PTPN13: variants seen among roughly 807,000 people sequenced by gnomAD.
PTPN13 encodes protein tyrosine phosphatase non-receptor type 13, also known as tyrosine-protein phosphatase non-receptor type 13.
In PTPN13, 191 loss-of-function variants were observed where a neutral mutation model predicts 284.0. That is an observed-to-expected ratio of 0.67 (90% CI 0.60 to 0.76). PTPN13 has a LOEUF of 0.76. Ranked by LOEUF, PTPN13 falls within the 30% of genes least tolerant of loss-of-function variation. PTPN13 has a pLI of 0.00. For missense variants in PTPN13, 2,797 were observed against 2,939.9 expected (o/e 0.95, Z 1.12); for synonymous variants, 986 against 1,022.3 (o/e 0.96, Z 0.68).
At chr4:86,800,665 G>GAGAA (rs1167049337) in intron 42 of PTPN13, among the ~76,000 whole-genome samples, 1 of 142,806 alleles carries the variant, frequency 7.0e-6, no homozygotes, top group Non-Finnish European at 1.5e-5. Flanking sequence ...GAAAGAAAGA[G>GAGAA]AGAGAGAGAA....
intron 15 of PTPN13, among the ~76,000 whole-genome samples, chr4:86,736,683 G>A (rs1040147595): frequency 2.6e-5 from 4 of 152,158 alleles, no homozygotes; most frequent in Non-Finnish European, 5.9e-5. Context: ...ATTAATAAAG[G>A]TAGAAGGCAG....
In PTPN13 at chr4:86,767,854, C is replaced by T; in HGVS notation, c.4367C>T (p.Thr1456Ile). The T allele has an allele frequency of 1.3e-6, 2 of 1,599,956 alleles. No individual in the cohort carries two copies. Among genetic ancestry groups the T allele is most frequent in the Admixed American group, 1.7e-5 (1 of 58,134 alleles). The change falls in exon 28 of 48, where the codon ACA (threonine) becomes ATA (isoleucine). Residue 1456 changes from threonine (T) to isoleucine (I), a missense_variant. Coordinates refer to ENST00000411767, the MANE Select transcript of PTPN13 (RefSeq NM_080683.3). ...HLLLEKGQSP[T>I]SKEHVPVTPQ... is the part of the protein sequence containing the mutation. ...TTATTAGAAAAGGGACAATCTCCAA[C>T]ATCTAAAGAACATGTCCCGGTAACC...
chr4:86,608,050 T>A (rs964888409), intron 1 of PTPN13, among the ~76,000 whole-genome samples: 3 of 152,036 alleles, frequency 2.0e-5, no homozygotes, highest in African/African-American at 7.2e-5. Flanking sequence ...AAAATTAGAT[T>A]GATAAGGAGC....
rs142885989 is a variant in PTPN13, at chr4:86,653,055, C to CA, written c.115+17685dup. Among the ~76,000 whole-genome samples the CA allele has an allele frequency of 3.0e-4, 46 of 151,866 alleles. 1 individual carries two copies. Among genetic ancestry groups the CA allele is most frequent in the African/African-American group, 1.1e-3 (44 of 41,436 alleles). On this transcript the variant is annotated intron_variant, in intron 2 of 47. Transcript: ENST00000411767. ...ATTCTTTGATGATTTTTCAGTTTGT[C>CA]ATTTGAATTTTTCAGTTCCAGAATT...
intron 5 of PTPN13, 134 bp from the exon 6 acceptor site, chr4:86,693,453 T>C (rs2148975835): frequency 8.0e-6 from 4 of 501,226 alleles, no homozygotes; most frequent in East Asian, 3.0e-5. Flanking sequence ...ACAAATACAA[T>C]AGGACATAGA....
Position 86,692,333 on chromosome 4 carries a change from A to G in PTPN13, c.547-1254A>G, listed in dbSNP as rs546731117. ...GCAACTTAACTGATAACATGATTTC[A>G]GAAATACTTCCATTTACAAGTCTTC... On this transcript the variant is annotated intron_variant, in intron 5 of 47. Transcript: ENST00000411767. Among the ~76,000 whole-genome samples, 6 of 152,336 alleles carry G rather than the reference A, an allele frequency of 3.9e-5. No homozygotes were observed. In the South Asian group the frequency reaches 6.2e-4, roughly 16 times the overall value.
At chr4:86,737,838 C>T (rs908615960) in intron 15 of PTPN13, among the ~76,000 whole-genome samples, 6 of 152,102 alleles carry the variant, frequency 3.9e-5, no homozygotes, top group African/African-American at 1.4e-4. Flanking sequence ...CAAACATTCT[C>T]CTGCCTCAGC....
chr4:86,764,826 C>T (rs1021927408), intron 25 of PTPN13, 102 bp downstream of exon 25: 10 of 1,263,782 alleles, frequency 7.9e-6, no homozygotes, highest in South Asian at 3.3e-5. Flanking sequence ...AAAAGGGACA[C>T]ATCAAATACC....
At chr4:86,746,541 G>A (rs1015840363) in intron 17 of PTPN13, among the ~76,000 whole-genome samples, 4 of 152,110 alleles carry the variant, frequency 2.6e-5, no homozygotes, top group Non-Finnish European at 5.9e-5. Flanking sequence ...GAAGATTCCA[G>A]GAACCTACGT....
At chr4:86,680,614 A>G (rs1197440623) in intron 3 of PTPN13, among the ~76,000 whole-genome samples, 1 of 152,102 alleles carries the variant, frequency 6.6e-6, no homozygotes, top group Non-Finnish European at 1.5e-5. Context: ...TCCCTCTGCC[A>G]CTGTCAGATT....
chr4:86,795,701 A>G (rs1243513879), intron 40 of PTPN13, among the ~76,000 whole-genome samples: 2 of 152,212 alleles, frequency 1.3e-5, no homozygotes, highest in African/African-American at 2.4e-5. Flanking sequence ...ATGGAATACT[A>G]TGCAGCCATA....
intron 3 of PTPN13, among the ~76,000 whole-genome samples, chr4:86,678,496 G>T (rs931493209): frequency 9.2e-5 from 14 of 152,182 alleles, no homozygotes; most frequent in Admixed American, 4.6e-4. Context: ...TTTGCTGACA[G>T]ATCCCAAATG....
In PTPN13 at chr4:86,807,677, C is replaced by G. The variant is rs1174363298; in HGVS notation, c.6863C>G (p.Thr2288Arg). The G allele has an allele frequency of 1.9e-6, 3 of 1,613,972 alleles. No individual in the cohort carries two copies. In the African/African-American group the frequency reaches 4.0e-5, roughly 22 times the overall value. The change falls in exon 45 of 48, where the codon ACA (threonine) becomes AGA (arginine). Residue 2288 changes from threonine (T) to arginine (R), a missense_variant. Transcript: ENST00000411767. ...ATTGCCTGCCAAGGACCACTGCCTA[C>G]AACTGTTGGAGACTTCTGGCAGATG... The part of the protein sequence containing the change: ...VYIACQGPLP[T>R]TVGDFWQMIW...
In PTPN13 at chr4:86,769,835, A is replaced by T; in HGVS notation, c.4556A>T (p.Asp1519Val). Reference protein sequence around the residue: ...SGLGFSFSREDNLIPEQINAS... With the variant: ...SGLGFSFSREVNLIPEQINAS... ...CTAGGATTCAGTTTTTCTCGAGAAG[A>T]TAATCTTATACCGGAGCAAATTAAT... is the stretch of plus-strand genomic sequence containing the variant. The change falls in exon 29 of 48, where the codon GAT becomes GTT. Residue 1519 changes from aspartate (D) to valine (V), a missense_variant. Coordinates refer to ENST00000411767, the MANE Select transcript of PTPN13 (RefSeq NM_080683.3). The T allele has an allele frequency of 6.2e-7, 1 of 1,613,698 alleles. No individual in the cohort carries two copies. The highest frequency in any genetic ancestry group is 8.5e-7 in the Non-Finnish European group (1 of 1,179,638).
chr4:86,701,750 CGAGA>C lies in PTPN13; in HGVS notation c.1149_1152del (p.Glu383AspfsTer8), dbSNP rs746362657. 4.9e-5 allele frequency: 79 copies of C among 1,613,206 alleles called. No homozygotes were observed. Among genetic ancestry groups the C allele is most frequent in the Non-Finnish European group, 5.8e-5 (68 of 1,179,696 alleles). ...AATATCAAGTGCTTTGGACCGAATC[CGAGA>C]GAGACAAAAGAAACTTCAGGTTCTG... On this transcript the variant is annotated frameshift_variant, in exon 7 of 48. Transcript: ENST00000411767. LOFTEE classifies it high-confidence loss of function.
chr4:86,701,750 CGA>C lies in PTPN13; in HGVS notation c.1151_1152del (p.Arg384ThrfsTer26), dbSNP rs746362657. The C allele has an allele frequency of 3.7e-6, 6 of 1,613,324 alleles. No individual in the cohort carries two copies. Among genetic ancestry groups the C allele is most frequent in the Non-Finnish European group, 5.1e-6 (6 of 1,179,688 alleles). ...SAISSALDRI[R>X]ERQKKLQVLR... The stretch of plus-strand genomic sequence containing the variant: ...AATATCAAGTGCTTTGGACCGAATC[CGA>C]GAGAGACAAAAGAAACTTCAGGTTC... On this transcript the variant is annotated frameshift_variant, in exon 7 of 48. Transcript: ENST00000411767. LOFTEE classifies it high-confidence loss of function.
At chr4:86,751,651 C>T (rs1737401541) in intron 19 of PTPN13, among the ~76,000 whole-genome samples, 1 of 152,158 alleles carries the variant, frequency 6.6e-6, no homozygotes, top group Non-Finnish European at 1.5e-5. Context: ...GTTGCCATGA[C>T]AGTCTTACTA....
chr4:86,736,400 C>A (rs1288560978), intron 15 of PTPN13, among the ~76,000 whole-genome samples: 1 of 152,142 alleles, frequency 6.6e-6, no homozygotes, highest in East Asian at 1.9e-4. Context: ...TCAGAACATT[C>A]TTCTGTTTTA....
At position 86,764,595 on chromosome 4, in the gene PTPN13, A is replaced by G; in HGVS notation, c.4020A>G (p.Glu1340=). The change falls in exon 25 of 48, where the codon GAA becomes GAG. Residue 1340 remains glutamate (E), a splice_region_variant and synonymous_variant. Transcript: ENST00000411767. ...SSQDHQTPKQ[E]SSSSVNTSNK... The stretch of plus-strand genomic sequence containing the variant: ...TTTGTTTGTTTTTCTTTGTTAAGGA[A>G]TCTTCCTCTTCAGTGAATACATCCA... 6.7e-7 allele frequency: 1 copy of G among 1,481,716 alleles called. No homozygotes were observed. Among genetic ancestry groups the G allele is most frequent in the Non-Finnish European group, 9.0e-7 (1 of 1,113,940 alleles). The allele number at this position is 1,481,716 out of a possible 1,614,324, so 91.8% of individuals were successfully genotyped here. A position where few individuals can be genotyped will look rare whatever the true frequency, so the allele number is the denominator to read the frequency against.
Sources: allele counts gnomAD v4.1 joint callset (sites outside exome capture counted in the v4.1 genomes callset), GRCh38; gene constraint gnomAD v4.1.1; transcripts MANE v1.5; gene names NCBI Gene and HGNC (gene_info 2026-07-23, HGNC 2026-07-21).